Variants in MAP2K1 observed in about 807,000 individuals in gnomAD.
MAP2K1 encodes the protein dual specificity mitogen-activated protein kinase kinase 1.
In MAP2K1, 16 loss-of-function variants were observed where a neutral mutation model predicts 46.3. The ratio of observed to expected loss-of-function variants is 0.35; its 90% CI spans 0.23 to 0.52. The LOEUF (loss-of-function observed/expected upper bound fraction) is 0.52, where lower values mean the gene tolerates loss of function less well. MAP2K1 is among the 20% of genes least tolerant of loss of function. The pLI is 0.94. For synonymous variants in MAP2K1, 183 were observed against 185.6 expected, an observed-to-expected ratio of 0.99 and a Z score of 0.11; for missense variants, 263 against 497.1, an observed-to-expected ratio of 0.53 and a Z score of 4.48.
At chr15:66,454,992 G>A (rs1250434098) in intron 5 of MAP2K1, among the ~76,000 whole-genome samples, 1 of 152,140 alleles carries the variant, frequency 6.6e-6, no homozygotes, top group South Asian at 2.1e-4. Context: ...CTAGTTGGGA[G>A]GTTGGCTCAG....
chr15:66,480,524 C>T (rs1892888545), intron 5 of MAP2K1, among the ~76,000 whole-genome samples: 1 of 152,048 alleles, frequency 6.6e-6, no homozygotes, highest in African/African-American at 2.4e-5. Context: ...GTTGCTTCAG[C>T]CCAGGAGTTC....
chr15:66,408,813 G>A (rs2093404301), intron 1 of MAP2K1, among the ~76,000 whole-genome samples: 1 of 152,078 alleles, frequency 6.6e-6, no homozygotes, highest in Admixed American at 6.6e-5. Context: ...CAACTTGGAG[G>A]TCATGTCTTA....
intron 6 of MAP2K1, among the ~76,000 whole-genome samples, chr15:66,484,391 G>T (rs531873900): frequency 4.0e-5 from 6 of 151,414 alleles, no homozygotes; most frequent in Non-Finnish European, 8.8e-5. Context: ...CATGTGATCC[G>T]CCTGCCTCAG....
rs922043940 is a variant in MAP2K1 at position 66,458,673 on chromosome 15, T to C, written c.568+13966T>C. ...CTAGGACTACAAATATGTGCTATCA[T>C]GCCTGACTAATTTTAAAAATTTTCT... On this transcript the variant is annotated intron_variant, in intron 5 of 10. Transcript: ENST00000307102. Among the ~76,000 whole-genome samples, 3 of 152,330 alleles carry C rather than the reference T, an allele frequency of 2.0e-5. No homozygotes were observed. In the South Asian group the frequency reaches 6.2e-4, roughly 32 times the overall value.
At chr15:66,466,004 C>T (rs942034857) in intron 5 of MAP2K1, among the ~76,000 whole-genome samples, 2 of 152,166 alleles carry the variant, frequency 1.3e-5, no homozygotes, top group African/African-American at 4.8e-5. Context: ...GAATTCCTCT[C>T]CTCTTGATGT....
At chr15:66,423,601 C>T (rs1401717547) in intron 1 of MAP2K1, among the ~76,000 whole-genome samples, 2 of 103,638 alleles carry the variant, frequency 1.9e-5, no homozygotes, top group Admixed American at 1.3e-4. Flanking sequence ...CCATGCCAGG[C>T]TAATTTTTTT....
rs528402397 is a variant in MAP2K1, at chr15:66,446,480, G to T, written c.568+1773G>T. On this transcript the variant is annotated intron_variant, in intron 5 of 10. Transcript: ENST00000307102. ...ATCCTTGAGGGGTACAGCATCACTT[G>T]GATTCTGTTTCCAATAGCCATAGTA... 2.5e-4 allele frequency: 44 copies of T among 174,142 alleles called. 1 individual carries two copies. In the South Asian group the frequency reaches 5.0e-3, roughly 20 times the overall value. The allele number at this position is 174,142 out of a possible 1,614,324, so 10.8% of individuals were successfully genotyped here.
chr15:66,413,731 C>G (rs770022922), intron 1 of MAP2K1, among the ~76,000 whole-genome samples: 2 of 152,102 alleles, frequency 1.3e-5, no homozygotes, highest in Non-Finnish European at 2.9e-5. Context: ...CATGTAATTG[C>G]AAGGCATTGT....
At chr15:66,392,870 C>A (rs1209848502) in intron 1 of MAP2K1, among the ~76,000 whole-genome samples, 3 of 152,020 alleles carry the variant, frequency 2.0e-5, no homozygotes, top group Non-Finnish European at 2.9e-5. Flanking sequence ...CTTTTTTTAA[C>A]CAATTTTGTT....
intron 5 of MAP2K1, among the ~76,000 whole-genome samples, chr15:66,458,985 C>T (rs550031581): frequency 5.9e-5 from 9 of 152,224 alleles, no homozygotes; most frequent in African/African-American, 2.2e-4. Context: ...GCTCTCAGGT[C>T]AGAATGAGAT....
chr15:66,389,876 C>G (rs1029721147), intron 1 of MAP2K1, among the ~76,000 whole-genome samples: 4 of 152,090 alleles, frequency 2.6e-5, no homozygotes, highest in African/African-American at 7.2e-5. Context: ...GTTTTGTGAC[C>G]TGGTTCAAGT....
At chr15:66,421,093 T>TACAC (rs71454561) in intron 1 of MAP2K1, among the ~76,000 whole-genome samples, 1,516 of 128,796 alleles carry the variant, frequency 0.012, 17 homozygotes, top group African/African-American at 0.016. Flanking sequence ...TACACACACA[T>TACAC]ACACACACAC....
chr15:66,444,035 C>T (rs71398266), intron 4 of MAP2K1, among the ~76,000 whole-genome samples: 8,547 of 152,036 alleles, frequency 0.056, 332 homozygotes, highest in Middle Eastern at 0.11. Flanking sequence ...GTCGGGAGTT[C>T]GAGACCAGCC....
At chr15:66,467,856 C>T (rs530693531) in intron 5 of MAP2K1, among the ~76,000 whole-genome samples, 10 of 152,144 alleles carry the variant, frequency 6.6e-5, no homozygotes, top group Admixed American at 3.9e-4. Context: ...CCACCGCGCC[C>T]GGTGGCTCAC....
At chr15:66,396,992 C>CTTT (rs2093369293) in intron 1 of MAP2K1, among the ~76,000 whole-genome samples, 1 of 117,620 alleles carries the variant, frequency 8.5e-6, no homozygotes, top group African/African-American at 3.4e-5. Flanking sequence ...GCCTGTAACG[C>CTTT]TTCTTTTTTT....
intron 5 of MAP2K1, among the ~76,000 whole-genome samples, chr15:66,477,272 CT>C (rs1295072795): frequency 6.6e-6 from 1 of 152,178 alleles, no homozygotes; most frequent in Non-Finnish European, 1.5e-5. Flanking sequence ...ACAAGGACAG[CT>C]AGAGGCAGCA....
At chr15:66,430,160 C>T (rs1003111102) in intron 1 of MAP2K1, among the ~76,000 whole-genome samples, 1 of 152,132 alleles carries the variant, frequency 6.6e-6, no homozygotes, top group African/African-American at 2.4e-5. Context: ...GTGCTGGTCT[C>T]TCTTACCTTG....
chr15:66,409,820 A>G (rs2093406943), intron 1 of MAP2K1, among the ~76,000 whole-genome samples: 1 of 152,110 alleles, frequency 6.6e-6, no homozygotes, highest in South Asian at 2.1e-4. Context: ...TAAGCAGGCT[A>G]TTTCTGGGCC....
At chr15:66,437,009 A>G in intron 3 of MAP2K1, 117 bp downstream of exon 3, 3 of 1,075,676 alleles carry the variant, frequency 2.8e-6, no homozygotes, top group Non-Finnish European at 4.3e-6. Context: ...GATCCACATC[A>G]CTATCTGGGG....
Sources: gnomAD v4.1 joint callset for allele counts (sites outside exome capture counted in the v4.1 genomes callset) on GRCh38, gnomAD v4.1.1 for gene constraint, MANE v1.5 for transcripts, NCBI Gene and HGNC (gene_info 2026-07-23, HGNC 2026-07-21) for gene names.